CCDC148: variants seen among roughly 807,000 people sequenced by gnomAD.
CCDC148 encodes coiled-coil domain containing 148.
In CCDC148, 89 loss-of-function variants were observed where a neutral mutation model predicts 85.7. The ratio of observed to expected loss-of-function variants is 1.04; its 90% confidence interval spans 0.87 to 1.24. The LOEUF (loss-of-function observed/expected upper bound fraction) is 1.24. Among genes scored for constraint, CCDC148 ranks in the 50% most tolerant of loss-of-function variants. CCDC148 has a pLI of 0.00. For synonymous variants in CCDC148, 230 were observed against 213.9 expected, an observed-to-expected ratio of 1.08 and a Z score of -0.66; for missense variants, 692 against 671.7, an observed-to-expected ratio of 1.03 and a Z score of -0.33.
intron 1 of CCDC148, among the ~76,000 whole-genome samples, chr2:158,393,638 C>T (rs1685409043): frequency 6.6e-6 from 1 of 152,064 alleles, no homozygotes; most frequent in Non-Finnish European, 1.5e-5. Context: ...AGAGGATTGA[C>T]AGAAATCTGC....
At chr2:158,200,304 G>T (rs928846804) in intron 11 of CCDC148, among the ~76,000 whole-genome samples, 20 of 152,150 alleles carry the variant, frequency 1.3e-4, no homozygotes, top group Middle Eastern at 3.4e-3. Context: ...CCTTATTTTT[G>T]ATTTGTCTGA....
intron 11 of CCDC148, among the ~76,000 whole-genome samples, chr2:158,196,987 A>T (rs1225480327): frequency 6.6e-6 from 1 of 152,204 alleles, no homozygotes. Flanking sequence ...TTGAGTCCTT[A>T]AGAGGGAATT....
At chr2:158,254,307 A>G (rs1407073743) in intron 9 of CCDC148, among the ~76,000 whole-genome samples, 1 of 151,666 alleles carries the variant, frequency 6.6e-6, no homozygotes, top group Non-Finnish European at 1.5e-5. Context: ...TGATAATAGT[A>G]TGGTTATGTT....
intron 9 of CCDC148, among the ~76,000 whole-genome samples, chr2:158,255,509 A>G (rs1688976536): frequency 6.6e-6 from 1 of 151,728 alleles, no homozygotes; most frequent in African/African-American, 2.4e-5. Context: ...AGGGATGTGG[A>G]TGGCTTCCAT....
At chr2:158,227,992 A>G (rs1687641401) in intron 10 of CCDC148, among the ~76,000 whole-genome samples, 1 of 152,220 alleles carries the variant, frequency 6.6e-6, no homozygotes, top group African/African-American at 2.4e-5. Flanking sequence ...CTGCATAGCA[A>G]AAGAAACTAT....
intron 7 of CCDC148, among the ~76,000 whole-genome samples, chr2:158,336,493 C>T (rs78216340): frequency 0.15 from 22,900 of 152,140 alleles, 2,222 homozygotes; most frequent in Non-Finnish European, 0.21. Context: ...TTCTTAGAGG[C>T]AAAGCCATAT....
chr2:158,237,027 A>T (rs1688138424), intron 10 of CCDC148, among the ~76,000 whole-genome samples: 1 of 152,164 alleles, frequency 6.6e-6, no homozygotes, highest in African/African-American at 2.4e-5. Flanking sequence ...TCTTTCTAAG[A>T]TGACATTTGT....
chr2:158,359,962 G>C (rs1345130229), intron 1 of CCDC148, among the ~76,000 whole-genome samples: 1 of 152,190 alleles, frequency 6.6e-6, no homozygotes, highest in Non-Finnish European at 1.5e-5. Flanking sequence ...GTCTGAAGTT[G>C]ACCAGGAATG....
intron 1 of CCDC148, among the ~76,000 whole-genome samples, chr2:158,421,344 C>G (rs952521647): frequency 1.3e-5 from 2 of 152,166 alleles, no homozygotes; most frequent in African/African-American, 4.8e-5. Flanking sequence ...GGAAGTAAAG[C>G]ACTCCTCAGC....
Position 158,176,668 on chromosome 2 carries a change from A to C in CCDC148, c.1489-7T>G. 6.2e-7 allele frequency: 1 copy of C among 1,611,340 alleles called. No homozygotes were observed. On this transcript the variant is annotated splice_polypyrimidine_tract_variant and splice_region_variant and intron_variant, in intron 12 of 13. Coordinates refer to ENST00000283233, the MANE Select transcript of CCDC148 (RefSeq NM_138803.4). ...ATTGAGCAACAACAGCAACCTAAAA[A>C]TGAGAAAGCATGGCTACTTGGAACA...
At chr2:158,231,875 A>G (rs1330786322) in intron 10 of CCDC148, among the ~76,000 whole-genome samples, 1 of 152,182 alleles carries the variant, frequency 6.6e-6, no homozygotes, top group Non-Finnish European at 1.5e-5. Flanking sequence ...GGACAGTTCC[A>G]TTCACTGTTC....
At chr2:158,352,309 A>C (rs889267822) in intron 2 of CCDC148, among the ~76,000 whole-genome samples, 1 of 151,892 alleles carries the variant, frequency 6.6e-6, no homozygotes, top group Non-Finnish European at 1.5e-5. Flanking sequence ...ACCAAAGGGA[A>C]AGAAGTTGAA....
At chr2:158,234,882 G>T (rs1688027640) in intron 10 of CCDC148, among the ~76,000 whole-genome samples, 1 of 152,138 alleles carries the variant, frequency 6.6e-6, no homozygotes, top group East Asian at 1.9e-4. Context: ...AGGATTTTGG[G>T]TGATTTTTAT....
At chr2:158,172,797 G>A (rs1242202524) in intron 13 of CCDC148, among the ~76,000 whole-genome samples, 2 of 152,186 alleles carry the variant, frequency 1.3e-5, no homozygotes, top group Middle Eastern at 3.4e-3. Context: ...CTAAGTGGAA[G>A]TAGACATATG....
intron 9 of CCDC148, among the ~76,000 whole-genome samples, chr2:158,287,557 G>T (rs985912694): frequency 1.3e-5 from 2 of 152,114 alleles, no homozygotes; most frequent in African/African-American, 4.8e-5. Flanking sequence ...ATCCAGCAGG[G>T]TAGTCAAATC....
intron 9 of CCDC148, among the ~76,000 whole-genome samples, chr2:158,297,733 T>A (rs1691256463): frequency 1.3e-5 from 2 of 152,104 alleles, no homozygotes. Flanking sequence ...AGAAATAACA[T>A]CCAGAATCAT....
intron 3 of CCDC148, among the ~76,000 whole-genome samples, chr2:158,342,705 C>T (rs1682775132): frequency 6.6e-6 from 1 of 152,130 alleles, no homozygotes; most frequent in Non-Finnish European, 1.5e-5. Context: ...CCTGAAGGCT[C>T]AAAAATGCCC....
intron 9 of CCDC148, among the ~76,000 whole-genome samples, chr2:158,267,192 C>A (rs940204570): frequency 3.2e-4 from 49 of 152,162 alleles, no homozygotes; most frequent in Non-Finnish European, 1.3e-4. Context: ...TGTGTTCCAC[C>A]CACACCAAAC....
At chr2:158,353,403 C>T (rs1408445860) in intron 2 of CCDC148, among the ~76,000 whole-genome samples, 1 of 149,372 alleles carries the variant, frequency 6.7e-6, no homozygotes, top group Non-Finnish European at 1.5e-5. Flanking sequence ...AAATGGAAAA[C>T]AAAAAAAGGC....
Sources: allele counts gnomAD v4.1 joint callset (sites outside exome capture counted in the v4.1 genomes callset), GRCh38; gene constraint gnomAD v4.1.1; transcripts MANE v1.5; gene names NCBI Gene and HGNC (gene_info 2026-07-23, HGNC 2026-07-21).